SDK2: variants seen among roughly 807,000 people sequenced by gnomAD.
SDK2 encodes the protein protein sidekick-2.
SDK2 carries 105 observed loss-of-function variants against 253.9 expected under a neutral mutation model. The observed-to-expected ratio is 0.41, with a 90% confidence interval of 0.35 to 0.49. The LOEUF is 0.49. Ranked by LOEUF, SDK2 falls within the 20% of genes least tolerant of loss-of-function variation. The pLI is 0.06. For missense variants in SDK2, 2,608 were observed against 3,003.0 expected, an observed-to-expected ratio of 0.87 and a Z score of 3.07; for synonymous variants, 1,249 against 1,234.9, an observed-to-expected ratio of 1.01 and a Z score of -0.24.
At chr17:73,547,303 C>A (rs2044981152) in intron 1 of SDK2, among the ~76,000 whole-genome samples, 1 of 152,212 alleles carries the variant, frequency 6.6e-6, no homozygotes, top group Admixed American at 6.5e-5. Flanking sequence ...TCCTTCCATG[C>A]TGTTATTCGT....
At position 73,431,817 on chromosome 17, in the gene SDK2, G is replaced by A; in HGVS notation, c.1313-148C>T. ...ATGAGGACAGATGGCGGTGGGGCTG[G>A]GGTGGGGGCTGAGAGACCTGGAGAG... On this transcript the variant is annotated intron_variant, in intron 10 of 44. Transcript: ENST00000392650. The surrounding 1 kb of genome is among the most constrained non-coding windows in gnomAD (Gnocchi z 5.6). 1.1e-6 allele frequency: 1 copy of A among 879,120 alleles called. No homozygotes were observed. The highest frequency in any genetic ancestry group is 1.9e-5 in the South Asian group (1 of 52,282). The allele number at this position is 879,120 out of a possible 1,614,324, so 54.5% of individuals were successfully genotyped here.
intron 1 of SDK2, among the ~76,000 whole-genome samples, chr17:73,583,279 C>T (rs933035337): frequency 3.3e-5 from 5 of 152,316 alleles, no homozygotes; most frequent in South Asian, 4.1e-4. Context: ...TCTTAGCATA[C>T]AGCAGTTAAT....
At chr17:73,482,251 C>T (rs2063730159) in intron 2 of SDK2, among the ~76,000 whole-genome samples, 2 of 149,606 alleles carry the variant, frequency 1.3e-5, no homozygotes, top group African/African-American at 2.5e-5. Context: ...CTCTGGCCTG[C>T]GTGACAAGAC....
chr17:73,445,613 A>G (rs1952603681), intron 5 of SDK2, among the ~76,000 whole-genome samples: 1 of 152,074 alleles, frequency 6.6e-6, no homozygotes, highest in Non-Finnish European at 1.5e-5. Flanking sequence ...AGGGGAGAGC[A>G]GACGGAGGGG....
intron 15 of SDK2, 100 bp from the exon 16 acceptor site, chr17:73,419,406 A>C (rs2063209829): frequency 1.5e-6 from 2 of 1,340,704 alleles, no homozygotes; most frequent in Non-Finnish European, 2.1e-6. Flanking sequence ...ACTCTGGATA[A>C]TTCGGTACAA....
chr17:73,641,247 T>A (rs116528814), intron 1 of SDK2: 1 of 152,228 alleles, frequency 6.6e-6, no homozygotes, highest in Non-Finnish European at 1.5e-5. Context: ...ATTAAGTACC[T>A]TCTATGTGCC....
rs1286864232 is a variant in SDK2, at chr17:73,447,736, C to T, written c.492G>A (p.Leu164=). Residue 164 remains leucine, a synonymous_variant, in exon 5 of 45, where the codon CTG becomes CTA. Coordinates refer to ENST00000392650, the MANE Select transcript of SDK2 (RefSeq NM_001144952.2). The surrounding 1 kb of genome is among the most constrained non-coding windows in gnomAD (Gnocchi z 4.0). ...IPPSSRIAIT[L]ENTLVILSTV... ...TTGACAGGATGACAAGGGTGTTCTC[C>T]AGCGTGATGGCTCTGGGAAGAGGAA... is the stretch of plus-strand genomic sequence containing the variant. The T allele has an allele frequency of 2.6e-6, 4 of 1,551,578 alleles. No homozygotes were observed. Among genetic ancestry groups the T allele is most frequent in the Middle Eastern group, 3.3e-4 (2 of 6,014 alleles).
intron 5 of SDK2, among the ~76,000 whole-genome samples, chr17:73,442,829 A>AG (rs1336206230): frequency 6.6e-6 from 1 of 151,804 alleles, no homozygotes; most frequent in Non-Finnish European, 1.5e-5. Flanking sequence ...GAAAAAAAAA[A>AG]AGAGAGAGAA....
At position 73,618,222 on chromosome 17, in the gene SDK2, A is replaced by C. The variant is rs1476879619; in HGVS notation, c.64+25803T>G. ...TTAGCCTGTAAATGACGCAGCTCTT[A>C]TACCTAGGAGTGTCCCTCTTAATTA... is the stretch of plus-strand genomic sequence containing the variant. On this transcript the variant is annotated intron_variant, in intron 1 of 44. Transcript: ENST00000392650. The surrounding 1 kb of genome is among the most constrained non-coding windows in gnomAD (Gnocchi z 4.1). Among the ~76,000 whole-genome samples, 1 of 152,214 alleles carries C rather than the reference A, an allele frequency of 6.6e-6. No individual in the cohort carries two copies. Among genetic ancestry groups the C allele is most frequent in the Non-Finnish European group, 1.5e-5 (1 of 68,044 alleles).
At position 73,393,995 on chromosome 17, in the gene SDK2, G is replaced by A. The variant is rs186598762; in HGVS notation, c.3708+214C>T. Among the ~76,000 whole-genome samples the A allele has an allele frequency of 7.9e-4, 121 of 152,362 alleles. 1 individual carries two copies. The highest frequency in any genetic ancestry group is 1.4e-3 in the Non-Finnish European group (92 of 68,030). Reference sequence around the variant, plus strand: ...AGCGTGGCCTCCCGGGAGAGATGGAGCAGCCCTAGGCCCTGGGTCCTTTCT... The same window carrying A: ...AGCGTGGCCTCCCGGGAGAGATGGAACAGCCCTAGGCCCTGGGTCCTTTCT... On this transcript the variant is annotated intron_variant, in intron 26 of 44. Transcript: ENST00000392650.
At position 73,431,232 on chromosome 17, in the gene SDK2, A is replaced by G. The variant is rs1012613280; in HGVS notation, c.1480+270T>C. On this transcript the variant is annotated intron_variant, in intron 11 of 44. Transcript: ENST00000392650. This position sits in a 1 kb window ranked among gnomAD's most constrained non-coding sequence, Gnocchi z 5.6. Reference sequence around the variant, plus strand: ...GAAAATATTTGCCGATTTCTGCCCTAAAATATATGAAGGCAGCTCTCCTAT... The same window carrying G: ...GAAAATATTTGCCGATTTCTGCCCTGAAATATATGAAGGCAGCTCTCCTAT... Among the ~76,000 whole-genome samples the G allele has an allele frequency of 6.6e-6, 1 of 152,190 alleles. No individual in the cohort carries two copies. The highest frequency in any genetic ancestry group is 2.4e-5 in the African/African-American group (1 of 41,454).
At chr17:73,604,161 G>A (rs2143077492) in intron 1 of SDK2, among the ~76,000 whole-genome samples, 1 of 152,348 alleles carries the variant, frequency 6.6e-6, no homozygotes. Context: ...TTTCCAGGTG[G>A]GGGTCCGTGG....
intron 36 of SDK2, among the ~76,000 whole-genome samples, chr17:73,369,504 C>A (rs1253687822): frequency 6.6e-6 from 1 of 152,228 alleles, no homozygotes; most frequent in African/African-American, 2.4e-5. Context: ...TTTTGTCGTA[C>A]ATTCAGTGAG....
chr17:73,338,488 C>T lies in SDK2; in HGVS notation c.*99G>A. 1.3e-6 allele frequency: 1 copy of T among 779,828 alleles called. No homozygotes were observed. The highest frequency in any genetic ancestry group is 2.1e-6 in the Non-Finnish European group (1 of 472,000). The allele number at this position is 779,828 out of a possible 1,614,324, so 48.3% of individuals were successfully genotyped here. A position where few individuals can be genotyped will look rare whatever the true frequency, so the allele number is the denominator to read the frequency against. Reference sequence around the variant, plus strand: ...ATAAACTCAGGAGGTGAAAAGTTGACTTGGTTTCTTGGTGTTTTTGTTTTC... The same window carrying T: ...ATAAACTCAGGAGGTGAAAAGTTGATTTGGTTTCTTGGTGTTTTTGTTTTC... On this transcript the variant is annotated 3_prime_UTR_variant, in exon 45 of 45. Coordinates refer to ENST00000392650, the MANE Select transcript of SDK2 (RefSeq NM_001144952.2). The surrounding 1 kb of genome is among the most constrained non-coding windows in gnomAD (Gnocchi z 5.0).
intron 1 of SDK2, among the ~76,000 whole-genome samples, chr17:73,552,693 C>A (rs1297006820): frequency 6.6e-6 from 1 of 152,166 alleles, no homozygotes; most frequent in East Asian, 1.9e-4. Context: ...GGATTTGAGC[C>A]CGGCCAGGCT....
intron 2 of SDK2, among the ~76,000 whole-genome samples, chr17:73,497,857 C>T (rs576562379): frequency 3.2e-4 from 48 of 152,198 alleles, no homozygotes; most frequent in African/African-American, 4.3e-4. Flanking sequence ...GAGAGCTAAA[C>T]GCCCCTACTT....
chr17:73,481,458 G>T lies in SDK2; in HGVS notation c.225-9240C>A, dbSNP rs572041780. 3.3e-5 allele frequency among the ~76,000 whole-genome samples: 5 copies of T among 152,262 alleles called. No individual in the cohort carries two copies. In the South Asian group the frequency reaches 1.0e-3, roughly 32 times the overall value. ...GGATGGTCTGGGTGTGTCTGTGAGG[G>T]TGTTTCTAGAAGAGATCAGTATTTG... On this transcript the variant is annotated intron_variant, in intron 2 of 44. Transcript: ENST00000392650. This position sits in a 1 kb window ranked among gnomAD's most constrained non-coding sequence, Gnocchi z 4.5.
At position 73,419,719 on chromosome 17, in the gene SDK2, C is replaced by CA. The variant is rs902970784; in HGVS notation, c.2046-414dup. On this transcript the variant is annotated intron_variant, in intron 15 of 44. Coordinates refer to ENST00000392650, the MANE Select transcript of SDK2 (RefSeq NM_001144952.2). Reference sequence around the variant, plus strand: ...ACCCTGTCTCTACCAAAAAAAACAACAAAAAAAACCCAAAAAAACTCCCTC... The same window carrying CA: ...ACCCTGTCTCTACCAAAAAAAACAACAAAAAAAAACCCAAAAAAACTCCCTC... Among the ~76,000 whole-genome samples, 26 of 124,126 alleles carry CA rather than the reference C, an allele frequency of 2.1e-4. 1 individual carries two copies. The highest frequency in any genetic ancestry group is 1.5e-3 in the South Asian group (6 of 3,984). 81.4% of individuals were successfully genotyped at this position (124,126 alleles called of 152,430 possible). A position where few individuals can be genotyped will look rare whatever the true frequency, so the allele number is the denominator to read the frequency against.
intron 38 of SDK2, among the ~76,000 whole-genome samples, chr17:73,362,324 C>T (rs1259262365): frequency 1.3e-5 from 2 of 152,118 alleles, no homozygotes; most frequent in Non-Finnish European, 1.5e-5. Context: ...TGACCAGGTC[C>T]TCCACCTGAG....
Sources: allele counts gnomAD v4.1 joint callset (sites outside exome capture counted in the v4.1 genomes callset), GRCh38; gene constraint gnomAD v4.1.1; non-coding constraint Gnocchi (gnomAD v3.1); transcripts MANE v1.5; gene names NCBI Gene and HGNC (gene_info 2026-07-23, HGNC 2026-07-21).